Variants in FAM13A observed in about 807,000 individuals in gnomAD.
FAM13A encodes the protein protein FAM13A.
Under a neutral mutation model 129.6 loss-of-function variants are expected in FAM13A, and 76 were observed. The ratio of observed to expected loss-of-function variants is 0.59; its 90% CI spans 0.49 to 0.71. The LOEUF is 0.71. FAM13A is among the 30% of genes least tolerant of loss of function. FAM13A has a pLI of 0.00. For synonymous variants in FAM13A, 443 were observed against 449.9 expected, an observed-to-expected ratio of 0.98 and a Z score of 0.20; for missense variants, 1,108 against 1,249.3, an observed-to-expected ratio of 0.89 and a Z score of 1.70.
chr4:88,759,828 T>C (rs56116025), intron 13 of FAM13A, among the ~76,000 whole-genome samples: 1 of 152,182 alleles, frequency 6.6e-6, no homozygotes, highest in Non-Finnish European at 1.5e-5. Flanking sequence ...AATAATTTTA[T>C]GTTTAAACAA....
intron 2 of FAM13A, among the ~76,000 whole-genome samples, chr4:89,021,327 G>C (rs889767979): frequency 3.9e-5 from 6 of 152,194 alleles, no homozygotes; most frequent in African/African-American, 1.4e-4. Context: ...AATGAAGCTT[G>C]AGCTTCAGGG....
At chr4:88,898,595 T>C (rs1746739970) in intron 6 of FAM13A, among the ~76,000 whole-genome samples, 1 of 152,072 alleles carries the variant, frequency 6.6e-6, no homozygotes, top group African/African-American at 2.4e-5. Context: ...TGAATTGTCT[T>C]TGAAAATAAA....
intron 4 of FAM13A, among the ~76,000 whole-genome samples, chr4:88,959,307 T>C (rs1459087820): frequency 6.6e-6 from 1 of 152,198 alleles, no homozygotes; most frequent in African/African-American, 2.4e-5. Flanking sequence ...CCAAATCTCA[T>C]ATTGAAATGT....
intron 4 of FAM13A, among the ~76,000 whole-genome samples, chr4:88,979,466 T>C (rs919753522): frequency 6.6e-6 from 1 of 152,196 alleles, no homozygotes; most frequent in African/African-American, 2.4e-5. Context: ...CCTTCTGGAT[T>C]CAGAATCCTG....
Position 88,795,234 on chromosome 4 carries a change from T to A in FAM13A, c.1050-4607A>T, listed in dbSNP as rs185610345. Among the ~76,000 whole-genome samples, 32 of 151,946 alleles carry A rather than the reference T, an allele frequency of 2.1e-4. No individual in the cohort carries two copies. The East Asian group carries it at 6.0e-3, about 28-fold the overall frequency. On this transcript the variant is annotated intron_variant, in intron 8 of 23. Coordinates refer to ENST00000264344, the MANE Select transcript of FAM13A (RefSeq NM_014883.4). ...AAATTGAAAACATACTACATGGATATAACTCAAAAAGAGGAAAATATTTAT... is the reference window on the plus strand; with the variant it reads ...AAATTGAAAACATACTACATGGATAAAACTCAAAAAGAGGAAAATATTTAT...
chr4:88,748,832 G>T, intron 17 of FAM13A, 120 bp downstream of exon 17: 1 of 777,256 alleles, frequency 1.3e-6, no homozygotes, highest in Non-Finnish European at 2.3e-6. Flanking sequence ...AGCTGAGAGT[G>T]CTGGGAAGCA....
At chr4:88,781,065 A>C in intron 11 of FAM13A, 100 bp downstream of exon 11, 5 of 800,812 alleles carry the variant, frequency 6.2e-6, no homozygotes, top group Non-Finnish European at 9.5e-6. Context: ...TCCAGCACTC[A>C]AAACTGAAAG....
intron 4 of FAM13A, among the ~76,000 whole-genome samples, chr4:88,948,074 T>G (rs372803784): frequency 9.9e-5 from 15 of 152,252 alleles, no homozygotes; most frequent in Middle Eastern, 3.4e-3. Context: ...CTCCAGTACA[T>G]TACTATGAAT....
intron 7 of FAM13A, among the ~76,000 whole-genome samples, chr4:88,812,914 C>T (rs772728402): frequency 2.0e-5 from 3 of 152,204 alleles, no homozygotes; most frequent in African/African-American, 7.2e-5. Flanking sequence ...ACTAATTTTG[C>T]CTAGGAGCAT....
Position 88,838,115 on chromosome 4 carries a change from T to C in FAM13A, c.1007+12905A>G, listed in dbSNP as rs922643640. ...TATACAGGAAGATGTGCATAGGTTA[T>C]ATGCAAATATGTCATTTATATCAGG... On this transcript the variant is annotated intron_variant, in intron 7 of 23. Coordinates refer to ENST00000264344, the MANE Select transcript of FAM13A (RefSeq NM_014883.4). Among the ~76,000 whole-genome samples the C allele has an allele frequency of 2.0e-5, 3 of 152,224 alleles. No homozygotes were observed. The East Asian group carries it at 5.8e-4, about 29-fold the overall frequency.
At chr4:88,874,974 A>T (rs578158174) in intron 6 of FAM13A, among the ~76,000 whole-genome samples, 1 of 152,344 alleles carries the variant, frequency 6.6e-6, no homozygotes, top group South Asian at 2.1e-4. Flanking sequence ...CAGAGGCCTC[A>T]GAAATAACAC....
intron 1 of FAM13A, among the ~76,000 whole-genome samples, chr4:89,030,383 C>A (rs1185579164): frequency 6.6e-6 from 1 of 151,966 alleles, no homozygotes; most frequent in African/African-American, 2.4e-5. Flanking sequence ...TAATAAAAAT[C>A]TGCATCCAAG....
At chr4:88,871,695 G>C (rs1164670071) in intron 6 of FAM13A, among the ~76,000 whole-genome samples, 1 of 152,170 alleles carries the variant, frequency 6.6e-6, no homozygotes. Flanking sequence ...GTGATGGGGA[G>C]AATGGAACCA....
At chr4:88,980,125 G>A (rs1006804489) in intron 4 of FAM13A, among the ~76,000 whole-genome samples, 1 of 152,154 alleles carries the variant, frequency 6.6e-6, no homozygotes, top group Non-Finnish European at 1.5e-5. Flanking sequence ...ATAAACAACA[G>A]TAAGTTTTTA....
At chr4:88,817,578 T>C (rs1323483961) in intron 7 of FAM13A, among the ~76,000 whole-genome samples, 1 of 151,674 alleles carries the variant, frequency 6.6e-6, no homozygotes, top group Non-Finnish European at 1.5e-5. Flanking sequence ...AAAAAAAAAG[T>C]TATTTCTAGT....
intron 11 of FAM13A, among the ~76,000 whole-genome samples, chr4:88,770,211 T>C (rs1201804213): frequency 6.6e-6 from 1 of 152,232 alleles, no homozygotes; most frequent in Non-Finnish European, 1.5e-5. Flanking sequence ...AAGAGGCCTT[T>C]ATAAAATGGC....
At chr4:88,935,228 G>A (rs1003554407) in intron 5 of FAM13A, among the ~76,000 whole-genome samples, 4 of 152,162 alleles carry the variant, frequency 2.6e-5, no homozygotes, top group Non-Finnish European at 5.9e-5. Context: ...CCAATACTCT[G>A]GTCAAAGTTC....
chr4:88,787,833 T>C lies in FAM13A; in HGVS notation c.1191A>G (p.Leu397=). ...TGGCAGATGTGGCAGAAGATGCTGA[T>C]AGTGTTCCAGATTCTGAGTCCTCTG... ...QSSEDSESGT[L]SASSATSARQ... is the part of the protein sequence containing the mutation. The change falls in exon 10 of 24, where the codon CTA becomes CTG. Residue 397 remains leucine (L), a synonymous_variant. Transcript: ENST00000264344. 6.2e-7 allele frequency: 1 copy of C among 1,613,694 alleles called. No homozygotes were observed. The highest frequency in any genetic ancestry group is 8.5e-7 in the Non-Finnish European group (1 of 1,179,732).
intron 6 of FAM13A, among the ~76,000 whole-genome samples, chr4:88,888,889 T>C (rs1277033331): frequency 6.6e-6 from 1 of 150,404 alleles, no homozygotes; most frequent in Admixed American, 6.6e-5. Flanking sequence ...TGAGCCGAGA[T>C]TGTGCCACTG....
Sources: allele counts gnomAD v4.1 joint callset (sites outside exome capture counted in the v4.1 genomes callset), GRCh38; gene constraint gnomAD v4.1.1; transcripts MANE v1.5; gene names NCBI Gene and HGNC (gene_info 2026-07-23, HGNC 2026-07-21).